Variants in TTC7B observed in about 807,000 individuals in gnomAD.
TTC7B encodes tetratricopeptide repeat domain 7B.
In TTC7B, 28 loss-of-function variants were observed where a neutral mutation model predicts 106.8. The observed-to-expected ratio is 0.26, with a 90% CI of 0.19 to 0.36. The LOEUF is 0.36. TTC7B is among the 10% of genes least tolerant of loss of function. The pLI is 1.00. For synonymous variants in TTC7B, 405 were observed against 430.6 expected, an observed-to-expected ratio of 0.94 and a Z score of 0.74; for missense variants, 862 against 1,076.4, an observed-to-expected ratio of 0.80 and a Z score of 2.79.
intron 11 of TTC7B, among the ~76,000 whole-genome samples, chr14:90,656,346 C>T (rs17126944): frequency 0.043 from 6,527 of 152,146 alleles, 439 homozygotes; most frequent in African/African-American, 0.15. Context: ...AAATTAGAAC[C>T]CTATCGTATG....
At chr14:90,544,784 A>G (rs1237250231) in intron 19 of TTC7B, among the ~76,000 whole-genome samples, 1 of 152,136 alleles carries the variant, frequency 6.6e-6, no homozygotes, top group Non-Finnish European at 1.5e-5. Flanking sequence ...CCTTCCTGGC[A>G]TGGCTTTCTT....
At chr14:90,552,816 A>T (rs1271371222) in intron 19 of TTC7B, among the ~76,000 whole-genome samples, 3 of 152,114 alleles carry the variant, frequency 2.0e-5, no homozygotes, top group Admixed American at 1.3e-4. Flanking sequence ...ACGGAAGGCA[A>T]ATCTCCTCCA....
rs980139318 is a variant in TTC7B, at chr14:90,766,429, A to G, written c.445+14309T>C. 3 of 571,292 alleles carry G rather than the reference A, an allele frequency of 5.3e-6. No homozygotes were observed. The African/African-American group carries it at 5.6e-5, about 11-fold the overall frequency. The allele number at this position is 571,292 out of a possible 1,614,324, so 35.4% of individuals were successfully genotyped here. A position where few individuals can be genotyped will look rare whatever the true frequency, so the allele number is the denominator to read the frequency against. ...GTGGTGAAAGTCAAGAAAATGATGT[A>G]TGAACAAAATTGAAATGTCAAAAAG... is the stretch of plus-strand genomic sequence containing the variant. On this transcript the variant is annotated intron_variant, in intron 3 of 19. Transcript: ENST00000328459.
In TTC7B at chr14:90,608,805, A is replaced by G. The variant is rs950403114; in HGVS notation, c.1966+1937T>C. ...AGGACCTCATTTATTTTCTGACACTACCTGTTCTCAATGTGATGTGGCTTT... is the reference window on the plus strand; with the variant it reads ...AGGACCTCATTTATTTTCTGACACTGCCTGTTCTCAATGTGATGTGGCTTT... On this transcript the variant is annotated intron_variant, in intron 17 of 19. Transcript: ENST00000328459. This position sits in a 1 kb window ranked among gnomAD's most constrained non-coding sequence, Gnocchi z 5.1. Among the ~76,000 whole-genome samples the G allele has an allele frequency of 1.3e-5, 2 of 152,174 alleles. No homozygotes were observed. Among genetic ancestry groups the G allele is most frequent in the African/African-American group, 2.4e-5 (1 of 41,426 alleles).
At chr14:90,590,117 C>T (rs1744014408) in intron 18 of TTC7B, among the ~76,000 whole-genome samples, 1 of 152,124 alleles carries the variant, frequency 6.6e-6, no homozygotes, top group African/African-American at 2.4e-5. Context: ...AAGAGGGAGC[C>T]TTTTCACTTT....
At chr14:90,687,311 T>C (rs1042435940) in intron 7 of TTC7B, among the ~76,000 whole-genome samples, 1 of 152,264 alleles carries the variant, frequency 6.6e-6, no homozygotes, top group Non-Finnish European at 1.5e-5. Flanking sequence ...CTTTAATGAC[T>C]GCATTTTCTG....
chr14:90,579,843 A>G (rs1891414271), intron 18 of TTC7B, among the ~76,000 whole-genome samples: 1 of 152,202 alleles, frequency 6.6e-6, no homozygotes, highest in African/African-American at 2.4e-5. Context: ...AAAAAACAAG[A>G]AAGTTTTACT....
chr14:90,764,253 CA>C (rs1890600868), intron 3 of TTC7B, among the ~76,000 whole-genome samples: 1 of 152,036 alleles, frequency 6.6e-6, no homozygotes, highest in African/African-American at 2.4e-5. Flanking sequence ...ACTGAAGATC[CA>C]CATACAAAAA....
intron 15 of TTC7B, among the ~76,000 whole-genome samples, chr14:90,640,354 T>C (rs1300730904): frequency 6.6e-6 from 1 of 151,900 alleles, no homozygotes; most frequent in African/African-American, 2.4e-5. Flanking sequence ...ACATAGAATT[T>C]AGAATGGTCA....
rs1889788170 is a variant in TTC7B at position 90,742,076 on chromosome 14, T to A, written c.576+2716A>T. On this transcript the variant is annotated intron_variant, in intron 4 of 19. Coordinates refer to ENST00000328459, the MANE Select transcript of TTC7B (RefSeq NM_001010854.2). This position sits in a 1 kb window ranked among gnomAD's most constrained non-coding sequence, Gnocchi z 4.1. Reference sequence around the variant, plus strand: ...ACTTGGTCAAATAAAACATATTTATTGACTTTTTTTTTTAAGTGCAGTGGT... The same window carrying A: ...ACTTGGTCAAATAAAACATATTTATAGACTTTTTTTTTTAAGTGCAGTGGT... 6.6e-6 allele frequency among the ~76,000 whole-genome samples: 1 copy of A among 152,102 alleles called. No homozygotes were observed. The highest frequency in any genetic ancestry group is 2.4e-5 in the African/African-American group (1 of 41,416).
chr14:90,730,236 T>G, intron 4 of TTC7B, 40 bp from the exon 5 acceptor site: 1 of 1,579,626 alleles, frequency 6.3e-7, no homozygotes, highest in Non-Finnish European at 8.6e-7. Context: ...CAGATGCACA[T>G]CCAAGCCTAC....
intron 5 of TTC7B, among the ~76,000 whole-genome samples, chr14:90,720,609 A>T (rs969362473): frequency 6.6e-6 from 1 of 152,220 alleles, no homozygotes; most frequent in Non-Finnish European, 1.5e-5. Flanking sequence ...CTCTGAAAAT[A>T]CTGCCGTCTG....
intron 15 of TTC7B, among the ~76,000 whole-genome samples, chr14:90,618,704 C>T (rs1020305891): frequency 1.3e-5 from 2 of 152,242 alleles, no homozygotes; most frequent in African/African-American, 4.8e-5. Context: ...CGTGGCCCCA[C>T]AGGGTAATGC....
At chr14:90,679,274 C>A (rs1886956689) in intron 8 of TTC7B, among the ~76,000 whole-genome samples, 1 of 152,196 alleles carries the variant, frequency 6.6e-6, no homozygotes, top group Admixed American at 6.5e-5. Flanking sequence ...GTGGACCATT[C>A]AAAGTTTTAA....
intron 19 of TTC7B, among the ~76,000 whole-genome samples, chr14:90,560,942 G>A (rs1015331091): frequency 6.6e-6 from 1 of 152,240 alleles, no homozygotes; most frequent in East Asian, 1.9e-4. Flanking sequence ...GTTCTAATTA[G>A]AGAGCCAATT....
intron 1 of TTC7B, among the ~76,000 whole-genome samples, chr14:90,793,581 T>TTTTGTTTG (rs200675363): frequency 6.0e-5 from 9 of 150,240 alleles, no homozygotes; most frequent in African/African-American, 1.7e-4. Context: ...CAGGTATTTC[T>TTTTGTTTG]TTTGTTTGTT....
At chr14:90,745,853 T>A (rs1211744952) in intron 3 of TTC7B, among the ~76,000 whole-genome samples, 1 of 151,846 alleles carries the variant, frequency 6.6e-6, no homozygotes, top group Non-Finnish European at 1.5e-5. Flanking sequence ...TACGGGCGCA[T>A]TCCACCACAC....
At chr14:90,758,839 C>G (rs1193141499) in intron 3 of TTC7B, among the ~76,000 whole-genome samples, 1 of 152,238 alleles carries the variant, frequency 6.6e-6, no homozygotes, top group Admixed American at 6.5e-5. Context: ...CCTCACTCCC[C>G]TTCTCAAATG....
chr14:90,693,560 A>C (rs992569158), intron 6 of TTC7B, among the ~76,000 whole-genome samples: 1 of 152,176 alleles, frequency 6.6e-6, no homozygotes. Context: ...CTGCCTTAAC[A>C]GGTGCAATTC....
Sources: allele counts gnomAD v4.1 joint callset (sites outside exome capture counted in the v4.1 genomes callset), GRCh38; gene constraint gnomAD v4.1.1; non-coding constraint Gnocchi (gnomAD v3.1); transcripts MANE v1.5; gene names NCBI Gene and HGNC (gene_info 2026-07-23, HGNC 2026-07-21).